The following SEPTIN4 variants were observed in gnomAD, a reference collection of about 807,000 sequenced individuals.
SEPTIN4 encodes the protein septin 4.
SEPTIN4 carries 52 observed loss-of-function variants against 107.1 expected under a neutral mutation model. That is an observed-to-expected ratio of 0.49 (90% CI 0.39 to 0.61). The LOEUF is 0.61. Among genes scored for constraint, SEPTIN4 ranks in the 20% least tolerant of loss-of-function variants. The probability of loss-of-function intolerance (pLI) is 0.00; values close to 1 mark genes in which losing one functional copy is unlikely to be tolerated. For missense variants in SEPTIN4, 1,048 were observed against 1,243.5 expected, an observed-to-expected ratio of 0.84 and a Z score of 2.36; for synonymous variants, 417 against 467.0, an observed-to-expected ratio of 0.89 and a Z score of 1.38.
At chr17:58,539,237 A>G (rs1397350121) in intron 3 of SEPTIN4, 1 of 1,445,612 alleles carries the variant, frequency 6.9e-7, no homozygotes, top group African/African-American at 1.4e-5. Context: ...GATAAGAGCT[A>G]TTTTAGGAAG....
Position 58,521,541 on chromosome 17 carries a change from C to G in SEPTIN4, c.2571+4G>C, listed in dbSNP as rs770670336. 6.2e-7 allele frequency: 1 copy of G among 1,613,806 alleles called. No individual in the cohort carries two copies. The highest frequency in any genetic ancestry group is 1.1e-5 in the South Asian group (1 of 91,062). On this transcript the variant is annotated splice_donor_region_variant and intron_variant, in intron 10 of 13. Coordinates refer to ENST00000672673, the MANE Select transcript of SEPTIN4 (RefSeq NM_001368771.2). The surrounding 1 kb of genome is among the most constrained non-coding windows in gnomAD (Gnocchi z 6.4). ...AGGAATGGGATGCCCTAGAGTGGCC[C>G]CACCTTTAGGGCTTGGTCCTGCAAT...
intron 3 of SEPTIN4, among the ~76,000 whole-genome samples, chr17:58,540,311 A>T (rs1396333028): frequency 6.6e-6 from 1 of 152,140 alleles, no homozygotes; most frequent in Non-Finnish European, 1.5e-5. Context: ...GTGGGGACTG[A>T]TCCAACGGCT....
chr17:58,544,198 T>G lies in SEPTIN4; in HGVS notation c.-12A>C, dbSNP rs1287456868. ...TTTGTCTTGACCATCTGATAGATTG[T>G]GCCCTTCTGAGTAGATCCCGTATTT... On this transcript the variant is annotated 5_prime_UTR_variant, in exon 1 of 14. Transcript: ENST00000672673. The G allele has an allele frequency of 3.1e-6, 5 of 1,602,172 alleles. No individual in the cohort carries two copies. The highest frequency in any genetic ancestry group is 4.3e-6 in the Non-Finnish European group (5 of 1,173,932).
intron 3 of SEPTIN4, among the ~76,000 whole-genome samples, chr17:58,537,402 T>C (rs2043749497): frequency 6.6e-6 from 1 of 152,190 alleles, no homozygotes; most frequent in South Asian, 2.1e-4. Context: ...TAGCAAGTCT[T>C]AGCCAGAGGC....
chr17:58,530,860 A>T (rs2144186037), intron 3 of SEPTIN4: 1 of 152,500 alleles, frequency 6.6e-6, no homozygotes, highest in South Asian at 2.1e-4. Flanking sequence ...CTCTGCCTGG[A>T]CACAGCTTGA....
chr17:58,541,942 C>A lies in SEPTIN4; in HGVS notation c.1586G>T (p.Arg529Leu). 1.2e-6 allele frequency: 2 copies of A among 1,614,050 alleles called. No individual in the cohort carries two copies. Among genetic ancestry groups the A allele is most frequent in the South Asian group, 1.1e-5 (1 of 91,068 alleles). The change falls in exon 2 of 14, where the codon CGT (arginine) becomes CTT (leucine). Residue 529 changes from arginine to leucine, a missense_variant. Transcript: ENST00000672673. ...CAGACCTTTTAGCCACCAGATGACA[C>A]GATTGTACATTTCCTCAGAGACATC... ...FLDVSEEMYN[R>L]VIWWLKDEEI... is the part of the protein sequence containing the mutation.
intron 3 of SEPTIN4, chr17:58,532,006 G>T: frequency 1.8e-6 from 2 of 1,138,362 alleles, no homozygotes; most frequent in South Asian, 8.6e-5. Flanking sequence ...GACAGCGCCC[G>T]AGCGACCCGC....
intron 6 of SEPTIN4, chr17:58,525,438 T>C (rs1336132761): frequency 1.6e-6 from 1 of 618,384 alleles, no homozygotes; most frequent in Admixed American, 3.0e-5. Flanking sequence ...CCCGGTTTTT[T>C]TCTTGGATTC....
rs757597086 is a variant in SEPTIN4, at chr17:58,544,218, G to A, written c.-32C>T. 8 of 1,564,304 alleles carry A rather than the reference G, an allele frequency of 5.1e-6. No individual in the cohort carries two copies. The highest frequency in any genetic ancestry group is 4.5e-5 in the East Asian group (2 of 44,368). ...GATTGTGCCCTTCTGAGTAGATCCC[G>A]TATTTTACTGGCTGGCTTGTATTCA... On this transcript the variant is annotated 5_prime_UTR_variant, in exon 1 of 14. In the 5' UTR this introduces an upstream ATG that the reference lacks. Transcript: ENST00000672673.
rs771070436 is a variant in SEPTIN4, at chr17:58,544,031, T to G, written c.156A>C (p.Arg52Ser). The change falls in exon 1 of 14, where the codon AGA (arginine) becomes AGC (serine). Residue 52 changes from arginine to serine, a missense_variant. By Grantham distance (110) the Arg-to-Ser change is moderately radical. Coordinates refer to ENST00000672673, the MANE Select transcript of SEPTIN4 (RefSeq NM_001368771.2). ...GAGTGGTGGGATGTGCAGCTTCTGA[T>G]CTTCGGTGGGAAGGGTTCAGGGAGA... is the stretch of plus-strand genomic sequence containing the variant. ...AAVSLNPSHRRSEAAHPTTPH... is the reference protein window; with the variant it reads ...AAVSLNPSHRSSEAAHPTTPH... 1.2e-6 allele frequency: 2 copies of G among 1,614,096 alleles called. No homozygotes were observed. The highest frequency in any genetic ancestry group is 1.7e-6 in the Non-Finnish European group (2 of 1,180,000).
chr17:58,536,928 T>C (rs1161940726), intron 3 of SEPTIN4, among the ~76,000 whole-genome samples: 1 of 152,210 alleles, frequency 6.6e-6, no homozygotes, highest in Non-Finnish European at 1.5e-5. Context: ...AGGCCCACTG[T>C]TTCTGTTACT....
At position 58,543,907 on chromosome 17, in the gene SEPTIN4, T is replaced by C. The variant is rs766985759; in HGVS notation, c.280A>G (p.Thr94Ala). Residue 94 changes from threonine to alanine, a missense_variant, in exon 1 of 14, where the codon ACA becomes GCA. Transcript: ENST00000672673. ...GGAGAGGAATGGCGGGATGATTCTG[T>C]TCTTGGTCCAGTCTCGGGTCCCCGA... Reference protein sequence around the residue: ...TPRGPETGPRTESSRHSSPHL... With the variant: ...TPRGPETGPRAESSRHSSPHL... 6.2e-7 allele frequency: 1 copy of C among 1,614,026 alleles called. No individual in the cohort carries two copies. Among genetic ancestry groups the C allele is most frequent in the Non-Finnish European group, 8.5e-7 (1 of 1,179,952 alleles).
Position 58,543,999 on chromosome 17 carries a change from G to A in SEPTIN4, c.188C>T (p.Ser63Leu), listed in dbSNP as rs531472561. 59 of 1,613,932 alleles carry A rather than the reference G, an allele frequency of 3.7e-5. No homozygotes were observed. In the Admixed American group the frequency reaches 6.2e-4, roughly 17 times the overall value. ...SEAAHPTTPH[S>L]ASDYPRSVSL... Reference sequence around the variant, plus strand: ...GACAGATCGAGGGTAGTCTGATGCTGAATGGGGAGTGGTGGGATGTGCAGC... The same window carrying A: ...GACAGATCGAGGGTAGTCTGATGCTAAATGGGGAGTGGTGGGATGTGCAGC... The change falls in exon 1 of 14, where the codon TCA (serine) becomes TTA (leucine). Residue 63 changes from serine to leucine, a missense_variant. Coordinates refer to ENST00000672673, the MANE Select transcript of SEPTIN4 (RefSeq NM_001368771.2).
At position 58,521,078 on chromosome 17, in the gene SEPTIN4, T is replaced by C. The variant is rs1057068; in HGVS notation, c.2751A>G (p.Thr917=). The C allele has an allele frequency of 0.39, 627,428 of 1,613,882 alleles. 124,728 individuals carry two copies. The highest frequency in any genetic ancestry group is 0.58 in the Admixed American group (34,557 of 59,996). Reference sequence around the variant, plus strand: ...GGTAGTTCTCATAATGTGTCTCCCGTGTCACATCCTTCAGGTCCTGCATGT... The same window carrying C: ...GGTAGTTCTCATAATGTGTCTCCCGCGTCACATCCTTCAGGTCCTGCATGT... ...RTHMQDLKDV[T]RETHYENYRA... is the part of the protein sequence containing the mutation. Residue 917 remains threonine, a synonymous_variant, in exon 12 of 14, where the codon ACA becomes ACG. Coordinates refer to ENST00000672673, the MANE Select transcript of SEPTIN4 (RefSeq NM_001368771.2). The surrounding 1 kb of genome is among the most constrained non-coding windows in gnomAD (Gnocchi z 6.4).
intron 3 of SEPTIN4, among the ~76,000 whole-genome samples, chr17:58,537,140 G>T (rs2043739817): frequency 1.3e-5 from 2 of 152,234 alleles, no homozygotes; most frequent in Admixed American, 6.5e-5. Context: ...TCAAGTCTGA[G>T]AGAAAAGCAT....
rs2043790623 is a variant in SEPTIN4, at chr17:58,538,511, AG to A, written c.1614+2154del. ...ACACCCTGTCCATCAAAGGCATTGC[AG>A]CCCCTCCCATCAGAACTGCTTTATT... is the stretch of plus-strand genomic sequence containing the variant. On this transcript the variant is annotated intron_variant, in intron 3 of 13. Transcript: ENST00000672673. The surrounding 1 kb of genome is among the most constrained non-coding windows in gnomAD (Gnocchi z 4.7). 1.3e-5 allele frequency among the ~76,000 whole-genome samples: 2 copies of A among 152,198 alleles called. No homozygotes were observed. The highest frequency in any genetic ancestry group is 4.1e-4 in the South Asian group (2 of 4,824).
Position 58,543,166 on chromosome 17 carries a change from C to T in SEPTIN4, c.1021G>A (p.Val341Ile), listed in dbSNP as rs769243695. The T allele has an allele frequency of 5.0e-5, 80 of 1,613,686 alleles. No homozygotes were observed. The highest frequency in any genetic ancestry group is 6.7e-5 in the Non-Finnish European group (79 of 1,179,844). The change falls in exon 1 of 14, where the codon GTA (valine) becomes ATA (isoleucine). Residue 341 changes from valine to isoleucine, a missense_variant. Around this residue, in one of 2 missense-constraint regions of SEPTIN4, gnomAD observed 787 missense variants for 871.8 expected, o/e 0.90. Coordinates refer to ENST00000672673, the MANE Select transcript of SEPTIN4 (RefSeq NM_001368771.2). ...VGRRVTISPG[V>I]QSVEPTHHVT... ...TGGTGAGTTGGCTCTACTGACTGTA[C>T]CCCTGGGGAGATGGTGACCCTGCGG...
chr17:58,524,042 G>A (rs1263508409), intron 7 of SEPTIN4, among the ~76,000 whole-genome samples: 1 of 152,172 alleles, frequency 6.6e-6, no homozygotes, highest in East Asian at 1.9e-4. Context: ...GAGATCATTT[G>A]CTCAAGATCA....
rs1053368130 is a variant in SEPTIN4, at chr17:58,525,561, C to T, written c.2092+134G>A. ...CTGGTGGGCTGCCAGGCAGTTAGGC[C>T]TATGGAGAGCTGCTGTCAGTCTCTC... On this transcript the variant is annotated intron_variant, in intron 6 of 13. Coordinates refer to ENST00000672673, the MANE Select transcript of SEPTIN4 (RefSeq NM_001368771.2). 27 of 775,944 alleles carry T rather than the reference C, an allele frequency of 3.5e-5. No individual in the cohort carries two copies. In the Admixed American group the frequency reaches 5.0e-4, roughly 14 times the overall value. The allele number at this position is 775,944 out of a possible 1,614,324, so 48.1% of individuals were successfully genotyped here.
Sources: gnomAD v4.1 joint callset for allele counts (sites outside exome capture counted in the v4.1 genomes callset) on GRCh38, gnomAD v4.1.1 for gene constraint, gnomAD v4.1.1 regional missense constraint, Gnocchi (gnomAD v3.1) non-coding constraint, MANE v1.5 for transcripts, NCBI Gene and HGNC (gene_info 2026-07-23, HGNC 2026-07-21) for gene names.